Variants in FBXL17 observed in about 807,000 individuals in gnomAD.
FBXL17 encodes the protein F-box and leucine rich repeat protein 17, also known as F-box/LRR-repeat protein 17.
Under a neutral mutation model 66.2 loss-of-function variants are expected in FBXL17, and 22 were observed. The ratio of observed to expected loss-of-function variants is 0.33; its 90% CI spans 0.24 to 0.47. The LOEUF (loss-of-function observed/expected upper bound fraction) is 0.47. Among genes scored for constraint, FBXL17 ranks in the 20% least tolerant of loss-of-function variants. FBXL17 has a pLI of 1.00. For missense variants in FBXL17, 878 were observed against 948.2 expected, an observed-to-expected ratio of 0.93 and a Z score of 0.97; for synonymous variants, 474 against 400.5, an observed-to-expected ratio of 1.18 and a Z score of -2.19.
chr5:108,018,102 C>T (rs1314457729), intron 7 of FBXL17, among the ~76,000 whole-genome samples: 1 of 151,942 alleles, frequency 6.6e-6, no homozygotes, highest in Non-Finnish European at 1.5e-5. Context: ...ATACCCACCA[C>T]CATAGAAAGA....
chr5:108,009,261 TTATA>T lies in FBXL17; in HGVS notation c.1822+11660_1822+11663del, dbSNP rs375853217. Among the ~76,000 whole-genome samples the T allele has an allele frequency of 6.4e-3, 133 of 20,828 alleles. 1 individual carries two copies. Among genetic ancestry groups the T allele is most frequent in the African/African-American group, 0.018 (110 of 6,096 alleles). The allele number at this position is 20,828 out of a possible 152,430, so 13.7% of individuals were successfully genotyped here. On this transcript the variant is annotated intron_variant, in intron 7 of 8. Coordinates refer to ENST00000542267, the MANE Select transcript of FBXL17 (RefSeq NM_001163315.3). Reference sequence around the variant, plus strand: ...GCTTGGTCGTGAGTTGTTCCCTGTTTTATATATATATATATATATATATATATAT... The same window carrying T: ...GCTTGGTCGTGAGTTGTTCCCTGTTTTATATATATATATATATATATATAT...
At chr5:107,871,267 C>T (rs1030916274) in intron 8 of FBXL17, among the ~76,000 whole-genome samples, 1 of 152,050 alleles carries the variant, frequency 6.6e-6, no homozygotes, top group Non-Finnish European at 1.5e-5. Context: ...GTCTCTTTTT[C>T]ATGAAATGTG....
chr5:107,982,183 AAG>A lies in FBXL17; in HGVS notation c.1822+38740_1822+38741del, dbSNP rs1752855385. ...ATACAGTACTCTCCACTTAAAGTAA[AAG>A]AGAGTCTTGTCTTTAGTACATAAAT... On this transcript the variant is annotated intron_variant, in intron 7 of 8. Coordinates refer to ENST00000542267, the MANE Select transcript of FBXL17 (RefSeq NM_001163315.3). Among the ~76,000 whole-genome samples the A allele has an allele frequency of 2.0e-5, 3 of 152,326 alleles. No homozygotes were observed. In the South Asian group the frequency reaches 6.2e-4, roughly 32 times the overall value.
chr5:108,322,431 T>C (rs2150221238), intron 4 of FBXL17, among the ~76,000 whole-genome samples: 1 of 152,048 alleles, frequency 6.6e-6, no homozygotes, highest in African/African-American at 2.4e-5. Flanking sequence ...GTGATGTACA[T>C]ACTAATCTAA....
intron 6 of FBXL17, among the ~76,000 whole-genome samples, chr5:108,025,858 T>C (rs1023782791): frequency 1.3e-5 from 2 of 152,092 alleles, no homozygotes; most frequent in Non-Finnish European, 2.9e-5. Flanking sequence ...CACTAATTCA[T>C]ACGTGGGTCA....
At chr5:107,932,314 C>G (rs1289198234) in intron 7 of FBXL17, among the ~76,000 whole-genome samples, 1 of 151,988 alleles carries the variant, frequency 6.6e-6, no homozygotes, top group Non-Finnish European at 1.5e-5. Context: ...CTTAGTAGTA[C>G]TCTTAATTAA....
intron 7 of FBXL17, among the ~76,000 whole-genome samples, chr5:107,972,575 C>A (rs2086004503): frequency 6.6e-6 from 1 of 152,110 alleles, no homozygotes; most frequent in Non-Finnish European, 1.5e-5. Context: ...AACTAATTTT[C>A]TTTTGTTCTT....
chr5:108,252,389 A>G (rs141447376), intron 4 of FBXL17, among the ~76,000 whole-genome samples: 1 of 152,302 alleles, frequency 6.6e-6, no homozygotes, highest in Non-Finnish European at 1.5e-5. Context: ...CAAGGTTAAA[A>G]AACATCATTC....
chr5:108,365,340 G>T (rs1580898112), intron 2 of FBXL17, among the ~76,000 whole-genome samples: 1 of 152,026 alleles, frequency 6.6e-6, no homozygotes, highest in African/African-American at 2.4e-5. Flanking sequence ...GCTTCAGAAT[G>T]GGGGCTGGTT....
chr5:108,275,749 G>C (rs1398961530), intron 4 of FBXL17, among the ~76,000 whole-genome samples: 1 of 152,182 alleles, frequency 6.6e-6, no homozygotes, highest in Non-Finnish European at 1.5e-5. Context: ...CTAAGCAATG[G>C]ACAGAGCCTG....
chr5:108,168,965 G>A (rs1025767954), intron 6 of FBXL17, among the ~76,000 whole-genome samples: 2 of 152,204 alleles, frequency 1.3e-5, no homozygotes, highest in African/African-American at 2.4e-5. Flanking sequence ...AACAACAGGA[G>A]TGTAGCATTG....
chr5:108,195,376 G>C (rs1753638739), intron 5 of FBXL17, among the ~76,000 whole-genome samples: 1 of 152,092 alleles, frequency 6.6e-6, no homozygotes, highest in South Asian at 2.1e-4. Flanking sequence ...TCTGGGGCAA[G>C]AGTTAGGACA....
intron 6 of FBXL17, among the ~76,000 whole-genome samples, chr5:108,072,490 C>A (rs1236769283): frequency 2.6e-5 from 4 of 152,052 alleles, no homozygotes; most frequent in Non-Finnish European, 4.4e-5. Context: ...GATCACAAAG[C>A]CAGGAGATTG....
At chr5:108,246,767 G>C (rs181485841) in intron 4 of FBXL17, among the ~76,000 whole-genome samples, 2 of 152,088 alleles carry the variant, frequency 1.3e-5, no homozygotes, top group Admixed American at 6.5e-5. Flanking sequence ...CAGTTAATTT[G>C]GCAAAAGATA....
chr5:108,007,963 A>G (rs901348765), intron 7 of FBXL17, among the ~76,000 whole-genome samples: 8 of 152,226 alleles, frequency 5.3e-5, no homozygotes, highest in South Asian at 2.1e-4. Context: ...TGTGCGGCAC[A>G]TATTCATGCG....
chr5:108,115,062 A>G (rs1750189507), intron 6 of FBXL17, among the ~76,000 whole-genome samples: 1 of 152,150 alleles, frequency 6.6e-6, no homozygotes, highest in South Asian at 2.1e-4. Flanking sequence ...ATCAATGACA[A>G]TTGGGCAAAT....
chr5:108,266,155 T>C (rs1757037032), intron 4 of FBXL17, among the ~76,000 whole-genome samples: 1 of 152,110 alleles, frequency 6.6e-6, no homozygotes, highest in South Asian at 2.1e-4. Context: ...AATCTCATAA[T>C]GCAACTGTAA....
At chr5:108,025,156 GA>G (rs1754753641) in intron 6 of FBXL17, among the ~76,000 whole-genome samples, 1 of 152,098 alleles carries the variant, frequency 6.6e-6, no homozygotes, top group South Asian at 2.1e-4. Flanking sequence ...AGTGTCCTAG[GA>G]GACCTTGTTA....
At chr5:108,177,259 T>C (rs1172479762) in intron 6 of FBXL17, among the ~76,000 whole-genome samples, 1 of 152,202 alleles carries the variant, frequency 6.6e-6, no homozygotes, top group Non-Finnish European at 1.5e-5. Flanking sequence ...ATTTTCTACT[T>C]TTCCTCAAGA....
Sources: gnomAD v4.1 joint callset for allele counts (sites outside exome capture counted in the v4.1 genomes callset) on GRCh38, gnomAD v4.1.1 for gene constraint, MANE v1.5 for transcripts, NCBI Gene and HGNC (gene_info 2026-07-23, HGNC 2026-07-21) for gene names.